ANKRD36C: variants seen among roughly 807,000 people sequenced by gnomAD.
ANKRD36C encodes ankyrin repeat domain 36C.
ANKRD36C carries 61 observed loss-of-function variants against 276.4 expected under a neutral mutation model. The observed-to-expected ratio is 0.22, with a 90% CI of 0.18 to 0.27. ANKRD36C has a LOEUF of 0.27. ANKRD36C is among the 10% of genes least tolerant of loss of function. The probability of loss-of-function intolerance (pLI) is 1.00; values close to 1 mark genes in which losing one functional copy is unlikely to be tolerated. For missense variants in ANKRD36C, 1,447 were observed against 2,032.3 expected (o/e 0.71, Z 5.54); for synonymous variants, 483 against 680.1 (o/e 0.71, Z 4.51).
At chr2:95,951,528 G>A (rs2104485527) in intron 14 of ANKRD36C, 120 bp from the exon 15 acceptor site, 2 of 749,406 alleles carry the variant, frequency 2.7e-6, no homozygotes, top group Non-Finnish European at 4.3e-6. Context: ...CTCATATGTA[G>A]ATTCAAACCT....
intron 42 of ANKRD36C, among the ~76,000 whole-genome samples, chr2:95,911,249 G>A (rs1306692653): frequency 9.3e-5 from 14 of 151,298 alleles, no homozygotes; most frequent in African/African-American, 1.2e-4. Context: ...TAATATATTA[G>A]CCTCAATAAA....
At chr2:95,910,683 T>G in intron 42 of ANKRD36C, 115 bp from the exon 45 acceptor site, 2 of 1,549,468 alleles carry the variant, frequency 1.3e-6, no homozygotes, top group Non-Finnish European at 1.7e-6. Flanking sequence ...GCGCAGGCTT[T>G]GATGGCTTCT....
At chr2:95,882,588 T>A in intron 54 of ANKRD36C, 91 bp from the exon 75 acceptor site, 1 of 1,465,368 alleles carries the variant, frequency 6.8e-7, no homozygotes, top group Non-Finnish European at 9.2e-7. Flanking sequence ...AGCTGTATCC[T>A]CCTGCCTGTA....
intron 46 of ANKRD36C, 26 bp downstream of exon 66, chr2:95,891,639 G>T (rs1676362617): frequency 1.9e-6 from 3 of 1,543,624 alleles, no homozygotes; most frequent in Non-Finnish European, 2.6e-6. Context: ...CACTGAACAT[G>T]ACATTAAATC....
intron 6 of ANKRD36C, among the ~76,000 whole-genome samples, chr2:95,977,365 C>A (rs1410522623): frequency 6.6e-6 from 1 of 152,190 alleles, no homozygotes; most frequent in Non-Finnish European, 1.5e-5. Context: ...ATGGCCTCTT[C>A]ACTGATGGTT....
At position 95,855,514 on chromosome 2, in the gene ANKRD36C, A is replaced by C. The variant is rs563731229; in HGVS notation, c.4747T>G (p.Phe1583Val). Residue 1583 changes from phenylalanine (F) to valine (V), a missense_variant, in exon 63 of 67, where the codon TTT becomes GTT. By Grantham distance (50) the Phe-to-Val change is conservative (BLOSUM62 -1). Transcript: ENST00000456556. ...ATATTTTGTTTTTTTAGTTGACAAA[A>C]TCTTTCCTGCTTTTCTATGCATTTT... 3.1e-3 allele frequency: 5,060 copies of C among 1,611,546 alleles called. 6 individuals carry two copies. The highest frequency in any genetic ancestry group is 3.7e-3 in the Non-Finnish European group (4,323 of 1,179,638).
chr2:95,991,761 G>A, exon 1 of ANKRD36C: 8 of 1,569,018 alleles, frequency 5.1e-6, no homozygotes, highest in Non-Finnish European at 7.0e-6. Flanking sequence ...CGCCTTCGGG[G>A]ATCGCCGCCT....
intron 59 of ANKRD36C, among the ~76,000 whole-genome samples, chr2:95,876,171 T>C (rs549982545): frequency 1.5e-3 from 225 of 152,084 alleles, no homozygotes; most frequent in Non-Finnish European, 1.6e-3. Context: ...TTCTTTATTA[T>C]AATAGGAAGT....
rs1163434866 is a variant in ANKRD36C at position 95,857,195 on chromosome 2, T to A, written c.4080+114A>T. Reference sequence around the variant, plus strand: ...TAAATGCCATGATTCATTTTTAAGATGAAATAAAATTTGGGGATTGTTCAG... The same window carrying A: ...TAAATGCCATGATTCATTTTTAAGAAGAAATAAAATTTGGGGATTGTTCAG... On this transcript the variant is annotated intron_variant, in intron 62 of 66. Coordinates refer to ENST00000456556, the Ensembl canonical transcript of ANKRD36C. The A allele has an allele frequency of 2.4e-6, 3 of 1,253,820 alleles. No individual in the cohort carries two copies. In the African/African-American group the frequency reaches 4.7e-5, roughly 19 times the overall value. 77.7% of individuals were successfully genotyped at this position (1,253,820 alleles called of 1,614,324 possible).
At chr2:95,879,864 A>C in intron 58 of ANKRD36C, among the ~76,000 whole-genome samples, 1 of 145,884 alleles carries the variant, frequency 6.9e-6, no homozygotes. Context: ...CAAAATGTAA[A>C]AGTAGAAACA....
chr2:95,923,449 T>C, intron 32 of ANKRD36C, 46 bp downstream of exon 32: 3 of 1,596,082 alleles, frequency 1.9e-6, no homozygotes, highest in Non-Finnish European at 2.6e-6. Flanking sequence ...AGAAGTTCTT[T>C]TCTATCTGGA....
chr2:95,891,796 T>A (rs899192421), intron 45 of ANKRD36C, 36 bp downstream of exon 65: 12 of 1,559,350 alleles, frequency 7.7e-6, no homozygotes, highest in Middle Eastern at 1.9e-4. Flanking sequence ...AGACTATACA[T>A]TTACTAGTTC....
chr2:95,903,314 G>A (rs557035116), intron 42 of ANKRD36C, among the ~76,000 whole-genome samples: 1 of 150,566 alleles, frequency 6.6e-6, no homozygotes, highest in East Asian at 2.0e-4. Flanking sequence ...TTTGTCATAT[G>A]CCAAAAATTA....
At chr2:95,889,508 C>T (rs1302316214) in intron 48 of ANKRD36C, among the ~76,000 whole-genome samples, 3 of 151,496 alleles carry the variant, frequency 2.0e-5, no homozygotes, top group Non-Finnish European at 1.5e-5. Context: ...TGAAAACATG[C>T]TGTAGAATTA....
Position 95,853,871 on chromosome 2 carries a change from T to A in ANKRD36C, c.4996-10A>T. 6.2e-7 allele frequency: 1 copy of A among 1,601,362 alleles called. No individual in the cohort carries two copies. Among genetic ancestry groups the A allele is most frequent in the Non-Finnish European group, 8.5e-7 (1 of 1,174,834 alleles). ...GCTGTCTCACAGCTACCTGATAAGA[T>A]GTTATTTTTGTTACTGATTTTACAA... On this transcript the variant is annotated splice_polypyrimidine_tract_variant and intron_variant, in intron 63 of 66. Coordinates refer to ENST00000456556, the Ensembl canonical transcript of ANKRD36C.
At chr2:95,864,177 T>C (rs1348532822) in intron 60 of ANKRD36C, among the ~76,000 whole-genome samples, 1 of 152,100 alleles carries the variant, frequency 6.6e-6, no homozygotes, top group African/African-American at 2.4e-5. Flanking sequence ...GAGACTTTAG[T>C]AAATTGTATC....
At chr2:95,974,050 C>T (rs1272090498) in intron 6 of ANKRD36C, among the ~76,000 whole-genome samples, 2 of 87,440 alleles carry the variant, frequency 2.3e-5, no homozygotes, top group Admixed American at 2.1e-4. Context: ...GACTCAATCT[C>T]AAAAAAAAAA....
intron 12 of ANKRD36C, among the ~76,000 whole-genome samples, chr2:95,957,333 C>A (rs972752850): frequency 6.6e-6 from 1 of 152,294 alleles, no homozygotes; most frequent in African/African-American, 2.4e-5. Context: ...ATTCATCATG[C>A]TCTTTGACTT....
chr2:95,948,663 G>T, intron 16 of ANKRD36C, 67 bp from the exon 17 acceptor site: 1 of 1,448,918 alleles, frequency 6.9e-7, no homozygotes, highest in Non-Finnish European at 9.3e-7. Flanking sequence ...AAAACCGTCA[G>T]TCTATACATG....
Sources: gnomAD v4.1 joint callset for allele counts (sites outside exome capture counted in the v4.1 genomes callset) on GRCh38, gnomAD v4.1.1 for gene constraint, MANE v1.5 for transcripts, NCBI Gene and HGNC (gene_info 2026-07-23, HGNC 2026-07-21) for gene names.